The following ADGRL2 variants were observed in gnomAD, a reference collection of about 807,000 sequenced individuals.
ADGRL2 encodes adhesion G protein-coupled receptor L2.
ADGRL2 carries 44 observed loss-of-function variants against 157.4 expected under a neutral mutation model. That is an observed-to-expected ratio of 0.28 (90% confidence interval 0.22 to 0.36). The LOEUF (loss-of-function observed/expected upper bound fraction) is 0.36. ADGRL2 is among the 10% of genes least tolerant of loss of function. ADGRL2 has a pLI of 1.00. For synonymous variants in ADGRL2, 585 were observed against 624.7 expected (o/e 0.94, Z 0.95); for missense variants, 1,510 against 1,768.9 (o/e 0.85, Z 2.63).
At chr1:81,417,006 G>C (rs1382697943) in intron 1 of ADGRL2, among the ~76,000 whole-genome samples, 1 of 152,122 alleles carries the variant, frequency 6.6e-6, no homozygotes, top group Non-Finnish European at 1.5e-5. Context: ...CTCAGAACGT[G>C]CTTAAGAATT....
At chr1:81,546,985 C>T (rs1285828136) in intron 2 of ADGRL2, among the ~76,000 whole-genome samples, 2 of 152,158 alleles carry the variant, frequency 1.3e-5, no homozygotes, top group African/African-American at 2.4e-5. Context: ...TTCAGGGCCC[C>T]AATAGCCATC....
intron 1 of ADGRL2, among the ~76,000 whole-genome samples, chr1:81,357,757 A>G (rs1023491296): frequency 1.3e-5 from 2 of 152,186 alleles, no homozygotes; most frequent in Non-Finnish European, 2.9e-5. Context: ...AAGGTCCTAC[A>G]GCCAATAACT....
chr1:81,557,021 CAAAAA>C, intron 2 of ADGRL2: 2 of 146,640 alleles, frequency 1.4e-5, no homozygotes, highest in Non-Finnish European at 2.7e-5. Flanking sequence ...GACTCCGTCT[CAAAAA>C]AAAAAAAAAG....
At chr1:81,540,544 G>GCCAGC (rs2079857315) in intron 2 of ADGRL2, among the ~76,000 whole-genome samples, 3 of 152,204 alleles carry the variant, frequency 2.0e-5, no homozygotes, top group African/African-American at 7.2e-5. Context: ...TTTAGATAGG[G>GCCAGC]TGATCACAAA....
In ADGRL2 at chr1:81,984,711, G is replaced by C. The variant is rs1662660155; in HGVS notation, c.3411G>C (p.Gln1137His). 1.9e-6 allele frequency: 3 copies of C among 1,612,198 alleles called. No homozygotes were observed. The highest frequency in any genetic ancestry group is 2.5e-6 in the Non-Finnish European group (3 of 1,178,828). ...GTGCTCGCTATTCCTCTGGCACACAGGTAACAAAGAGTTTGACAGCATCTT... is the reference window on the plus strand; with the variant it reads ...GTGCTCGCTATTCCTCTGGCACACACGTAACAAAGAGTTTGACAGCATCTT... ...RTSARYSSGT[Q>H]SRIRRMWNDT... Residue 1137 changes from glutamine to histidine, a missense_variant and splice_region_variant, in exon 20 of 24, where the codon CAG becomes CAC. Physicochemically the swap from Gln to His is conservative, Grantham distance 24. This residue lies in a region of ADGRL2 where 497 missense variants were observed against 627.2 expected (regional missense o/e 0.79). Transcript: ENST00000686636.
At chr1:81,504,493 T>A (rs1035859137) in intron 2 of ADGRL2, among the ~76,000 whole-genome samples, 1 of 152,230 alleles carries the variant, frequency 6.6e-6, no homozygotes, top group Non-Finnish European at 1.5e-5. Context: ...GCTGACTTTT[T>A]TTTTTATTTT....
At position 81,804,041 on chromosome 1, in the gene ADGRL2, C is replaced by G. The variant is rs530929770; in HGVS notation, c.-101+2973C>G. On this transcript the variant is annotated intron_variant, in intron 1 of 23. Coordinates refer to ENST00000686636, the MANE Select transcript of ADGRL2 (RefSeq NM_001366006.2). ...AGGCACTAAAGAGGCAATATGCATCCAGAGCAGAAAAATAGAATAGTTTTG... is the reference window on the plus strand; with the variant it reads ...AGGCACTAAAGAGGCAATATGCATCGAGAGCAGAAAAATAGAATAGTTTTG... Among the ~76,000 whole-genome samples the G allele has an allele frequency of 1.1e-4, 16 of 152,278 alleles. No individual in the cohort carries two copies. The East Asian group carries it at 3.1e-3, about 29-fold the overall frequency.
chr1:81,866,890 A>G (rs750585657), intron 2 of ADGRL2, among the ~76,000 whole-genome samples: 4 of 152,140 alleles, frequency 2.6e-5, no homozygotes, highest in Non-Finnish European at 5.9e-5. Flanking sequence ...CATAAAATAG[A>G]TACTCTCTGG....
chr1:81,393,481 T>C (rs2076596970), intron 1 of ADGRL2, among the ~76,000 whole-genome samples: 1 of 152,186 alleles, frequency 6.6e-6, no homozygotes, highest in African/African-American at 2.4e-5. Flanking sequence ...CCTGCTCTTA[T>C]TGTTCTCTCA....
intron 2 of ADGRL2, among the ~76,000 whole-genome samples, chr1:81,551,820 C>T (rs1280591778): frequency 6.6e-6 from 1 of 152,156 alleles, no homozygotes; most frequent in East Asian, 1.9e-4. Context: ...ATCAATCAAT[C>T]AATCAAACTG....
At chr1:81,461,239 T>C (rs1406094802) in intron 2 of ADGRL2, among the ~76,000 whole-genome samples, 1 of 152,188 alleles carries the variant, frequency 6.6e-6, no homozygotes, top group Admixed American at 6.5e-5. Context: ...ACAATCATAC[T>C]ACCCACTGAG....
At chr1:81,447,453 T>A (rs2077618733) in intron 2 of ADGRL2, among the ~76,000 whole-genome samples, 1 of 152,196 alleles carries the variant, frequency 6.6e-6, no homozygotes, top group South Asian at 2.1e-4. Flanking sequence ...GCTCTGATAG[T>A]GTAAGAAGCA....
intron 1 of ADGRL2, among the ~76,000 whole-genome samples, chr1:81,333,391 T>TTTAA (rs756755985): frequency 0.051 from 7,503 of 147,282 alleles, 304 homozygotes; most frequent in Non-Finnish European, 0.065. Context: ...TCCTTGACTT[T>TTTAA]TTAATTAATT....
chr1:81,747,253 GTATA>G (rs2085325668), intron 1 of ADGRL2, among the ~76,000 whole-genome samples: 1 of 147,408 alleles, frequency 6.8e-6, no homozygotes, highest in Admixed American at 6.8e-5. Flanking sequence ...GTATATGTGT[GTATA>G]TATGTATATG....
intron 2 of ADGRL2, among the ~76,000 whole-genome samples, chr1:81,470,333 G>A (rs2101862421): frequency 6.6e-6 from 1 of 152,194 alleles, no homozygotes; most frequent in South Asian, 2.1e-4. Context: ...ACTGAGCTTT[G>A]TAAAATCCAT....
intron 1 of ADGRL2, among the ~76,000 whole-genome samples, chr1:81,424,471 C>A (rs1239241090): frequency 6.6e-6 from 1 of 152,208 alleles, no homozygotes. Flanking sequence ...ATTGAGACTT[C>A]TTAGTGCCAG....
intron 3 of ADGRL2, among the ~76,000 whole-genome samples, chr1:81,693,211 C>A (rs567340069): frequency 4.6e-5 from 7 of 152,278 alleles, no homozygotes; most frequent in East Asian, 3.9e-4. Flanking sequence ...TGTCCCCATA[C>A]GCTTGATGCT....
intron 2 of ADGRL2, among the ~76,000 whole-genome samples, chr1:81,789,968 G>C (rs1285305698): frequency 1.3e-5 from 2 of 152,136 alleles, no homozygotes; most frequent in Non-Finnish European, 2.9e-5. Context: ...GTACTTTTTA[G>C]CATAATGTAT....
intron 2 of ADGRL2, among the ~76,000 whole-genome samples, chr1:81,487,652 AAG>A (rs1491418505): frequency 1.3e-5 from 2 of 152,160 alleles, no homozygotes; most frequent in South Asian, 2.1e-4. Flanking sequence ...CTCAAAAAAA[AAG>A]GGGGAGATAT....
Sources: gnomAD v4.1 joint callset for allele counts (sites outside exome capture counted in the v4.1 genomes callset) on GRCh38, gnomAD v4.1.1 for gene constraint, gnomAD v4.1.1 regional missense constraint, MANE v1.5 for transcripts, NCBI Gene and HGNC (gene_info 2026-07-23, HGNC 2026-07-21) for gene names.